Variants in TMEM126A observed in about 807,000 individuals in gnomAD.
TMEM126A encodes the protein transmembrane protein 126A.
In TMEM126A, 10 loss-of-function variants were observed where a neutral mutation model predicts 18.3. The ratio of observed to expected loss-of-function variants is 0.55; its 90% confidence interval spans 0.34 to 0.93. The LOEUF (loss-of-function observed/expected upper bound fraction) is 0.93. Ranked by LOEUF, TMEM126A falls within the 40% of genes least tolerant of loss-of-function variation. The pLI, the probability that TMEM126A is intolerant of heterozygous loss-of-function variation, is 0.02. For synonymous variants in TMEM126A, 68 were observed against 78.1 expected, an observed-to-expected ratio of 0.87 and a Z score of 0.68; for missense variants, 246 against 230.2, an observed-to-expected ratio of 1.07 and a Z score of -0.44.
At position 85,651,588 on chromosome 11, in the gene TMEM126A, C is replaced by G. The variant is rs138757101; in HGVS notation, c.86+1247C>G. ...ATCTTGCTATCTTCAGGAATAGAAA[C>G]TGAACAAATCCCCATCTTGCTGCCA... On this transcript the variant is annotated intron_variant, in intron 2 of 4. Transcript: ENST00000304511. Among the ~76,000 whole-genome samples the G allele has an allele frequency of 5.3e-3, 801 of 152,194 alleles. 4 individuals carry two copies. Among genetic ancestry groups the G allele is most frequent in the Non-Finnish European group, 9.3e-3 (635 of 68,006 alleles).
chr11:85,653,551 G>C lies in TMEM126A; in HGVS notation c.87-512G>C, dbSNP rs1042625389. Among the ~76,000 whole-genome samples, 3 of 152,338 alleles carry C rather than the reference G, an allele frequency of 2.0e-5. No homozygotes were observed. The East Asian group carries it at 5.8e-4, about 29-fold the overall frequency. On this transcript the variant is annotated intron_variant, in intron 2 of 4. Transcript: ENST00000304511. ...CATACATAACCTGGCTTCAAATCCA[G>C]TTCTACCACTACCTGAAAACATCAG...
chr11:85,656,494 T>C lies in TMEM126A; in HGVS notation c.581T>C (p.Ile194Thr). ...ALQLSEPGKE[I>T]H is the part of the protein sequence containing the mutation. ...CAGTTATCTGAACCTGGCAAAGAAA[T>C]TCACTGATTTTAAACAAATATGTAA... Residue 194 changes from isoleucine (I) to threonine (T), a missense_variant, in exon 5 of 5, where the codon ATT (isoleucine) becomes ACT (threonine). Ile to Thr is a moderately conservative substitution (Grantham distance 89). Coordinates refer to ENST00000304511, the MANE Select transcript of TMEM126A (RefSeq NM_032273.4). 6.2e-7 allele frequency: 1 copy of C among 1,611,952 alleles called. No individual in the cohort carries two copies. The highest frequency in any genetic ancestry group is 8.5e-7 in the Non-Finnish European group (1 of 1,178,742).
rs761830936 is a variant in TMEM126A at position 85,655,743 on chromosome 11, A to G, written c.395+35A>G. The G allele has an allele frequency of 6.4e-6, 9 of 1,412,250 alleles. No individual in the cohort carries two copies. In the Admixed American group the frequency reaches 1.2e-4, roughly 18 times the overall value. The allele number at this position is 1,412,250 out of a possible 1,614,324, so 87.5% of individuals were successfully genotyped here. A position where few individuals can be genotyped will look rare whatever the true frequency, so the allele number is the denominator to read the frequency against. ...AAAAAACTTTTTATAATATGTGATT[A>G]CCTATAAAACTCACAACTTAAAGCA... On this transcript the variant is annotated intron_variant, in intron 4 of 4. Transcript: ENST00000304511.
intron 2 of TMEM126A, among the ~76,000 whole-genome samples, chr11:85,653,516 G>C (rs1324598865): frequency 1.3e-5 from 2 of 152,194 alleles, no homozygotes; most frequent in Non-Finnish European, 2.9e-5. Context: ...TAGGACATAA[G>C]TTAAAAGTTC....
rs374398444 is a variant in TMEM126A, at chr11:85,654,126, A to C, written c.150A>C (p.Ala50=). The C allele has an allele frequency of 1.2e-6, 2 of 1,614,168 alleles. No homozygotes were observed. Among genetic ancestry groups the C allele is most frequent in the Non-Finnish European group, 1.7e-6 (2 of 1,180,022 alleles). Residue 50 remains alanine, a synonymous_variant, in exon 3 of 5, where the codon GCA becomes GCC. Transcript: ENST00000304511. The stretch of plus-strand genomic sequence containing the variant: ...ATGCTGCTCTTTGTGGCCTCATAGC[A>C]AACAGTCTTTTTCGACGCATCTTGA... ...GLNAALCGLI[A]NSLFRRILNV... is the part of the protein sequence containing the mutation.
rs75717261 is a variant in TMEM126A at position 85,652,690 on chromosome 11, C to T, written c.87-1373C>T. ...TTTTGACCTTAGCTATGGGAAAAATCTGGTTGGGAGAGAGCAAAGTTTGCT... is the reference window on the plus strand; with the variant it reads ...TTTTGACCTTAGCTATGGGAAAAATTTGGTTGGGAGAGAGCAAAGTTTGCT... On this transcript the variant is annotated intron_variant, in intron 2 of 4. Transcript: ENST00000304511. Among the ~76,000 whole-genome samples the T allele has an allele frequency of 4.2e-3, 644 of 152,134 alleles. 2 individuals are homozygous for T. The highest frequency in any genetic ancestry group is 0.01 in the Middle Eastern group (3 of 292).
At chr11:85,651,940 G>T (rs2082503890) in intron 2 of TMEM126A, among the ~76,000 whole-genome samples, 1 of 152,176 alleles carries the variant, frequency 6.6e-6, no homozygotes, top group African/African-American at 2.4e-5. Context: ...GAGGCGGGCT[G>T]GTCACCTGAG....
Position 85,654,044 on chromosome 11 carries a change from T to G in TMEM126A, c.87-19T>G, listed in dbSNP as rs778679518. On this transcript the variant is annotated intron_variant, in intron 2 of 4. Transcript: ENST00000304511. The stretch of plus-strand genomic sequence containing the variant: ...ACACAATAATGCCAAAGAAAAGTTC[T>G]TTCTTCTCACCCTTTCAGGAATCTA... 9.9e-6 allele frequency: 16 copies of G among 1,614,016 alleles called. No homozygotes were observed. In the East Asian group the frequency reaches 2.7e-4, roughly 27 times the overall value.
intron 1 of TMEM126A, among the ~76,000 whole-genome samples, chr11:85,649,516 A>G (rs2082484261): frequency 1.3e-5 from 2 of 152,254 alleles, no homozygotes; most frequent in African/African-American, 2.4e-5. Context: ...GATCTCAGGT[A>G]TACCTAGAAA....
Position 85,656,431 on chromosome 11 carries a change from T to C in TMEM126A, c.518T>C (p.Leu173Pro), listed in dbSNP as rs1480936342. ...ILLQTMFSAY[L>P]GSEQYKLLIK... is the part of the protein sequence containing the mutation. Reference sequence around the variant, plus strand: ...CTCCAGACTATGTTTTCAGCATACCTTGGGTCTGAACAATATAAACTACTT... The same window carrying C: ...CTCCAGACTATGTTTTCAGCATACCCTGGGTCTGAACAATATAAACTACTT... The change falls in exon 5 of 5, where the codon CTT (leucine) becomes CCT (proline). Residue 173 changes from leucine to proline, a missense_variant. Physicochemically the swap from Leu to Pro is moderately conservative, Grantham distance 98 (BLOSUM62 -3). Coordinates refer to ENST00000304511, the MANE Select transcript of TMEM126A (RefSeq NM_032273.4). 9 of 1,613,382 alleles carry C rather than the reference T, an allele frequency of 5.6e-6. No individual in the cohort carries two copies. Among genetic ancestry groups the C allele is most frequent in the Non-Finnish European group, 7.6e-6 (9 of 1,179,626 alleles).
rs888552081 is a variant in TMEM126A at position 85,654,140 on chromosome 11, G to A, written c.164G>A (p.Arg55Gln). ...GGCCTCATAGCAAACAGTCTTTTTC[G>A]ACGCATCTTGAATGTGACAAAGGCT... ...LCGLIANSLF[R>Q]RILNVTKARI... The change falls in exon 3 of 5, where the codon CGA becomes CAA. Residue 55 changes from arginine (R) to glutamine (Q), a missense_variant. Physicochemically the swap from Arg to Gln is conservative, Grantham distance 43. Coordinates refer to ENST00000304511, the MANE Select transcript of TMEM126A (RefSeq NM_032273.4). 13 of 1,613,984 alleles carry A rather than the reference G, an allele frequency of 8.1e-6. No individual in the cohort carries two copies. Among genetic ancestry groups the A allele is most frequent in the Admixed American group, 3.3e-5 (2 of 60,002 alleles).
rs189238212 is a variant in TMEM126A at position 85,655,334 on chromosome 11, G to A, written c.281-260G>A. On this transcript the variant is annotated intron_variant, in intron 3 of 4. Transcript: ENST00000304511. ...TAAAAAACAAGGCAGAAAGCTAGCA[G>A]TAGCCCAAACCATGAGATTATTATA... 1,401 of 382,666 alleles carry A rather than the reference G, an allele frequency of 3.7e-3. 8 individuals carry two copies. Among genetic ancestry groups the A allele is most frequent in the Non-Finnish European group, 3.2e-3 (661 of 205,478 alleles). The allele number at this position is 382,666 out of a possible 1,614,324, so 23.7% of individuals were successfully genotyped here.
rs960226524 is a variant in TMEM126A, at chr11:85,648,007, T to C, written c.-90T>C. 6.6e-6 allele frequency: 1 copy of C among 152,134 alleles called. No individual in the cohort carries two copies. Among genetic ancestry groups the C allele is most frequent in the Non-Finnish European group, 1.5e-5 (1 of 68,118 alleles). 9.4% of individuals were successfully genotyped at this position (152,134 alleles called of 1,614,324 possible). ...TCAGCCAAAGATGGCTGCGCCCAGGTAATTTGAGCAAAGGCCACAGTGAAC... is the reference window on the plus strand; with the variant it reads ...TCAGCCAAAGATGGCTGCGCCCAGGCAATTTGAGCAAAGGCCACAGTGAAC... On this transcript the variant is annotated 5_prime_UTR_variant, in exon 1 of 5. The change abolishes the stop of an existing upstream ORF in the 5' untranslated region. Transcript: ENST00000304511.
Position 85,654,161 on chromosome 11 carries a change from A to G in TMEM126A, c.185A>G (p.Lys62Arg), listed in dbSNP as rs745535321. ...TTTCGACGCATCTTGAATGTGACAA[A>G]GGCTCGCATAGCTGCTGGCTTACCA... ...SLFRRILNVTKARIAAGLPMA... is the reference protein window; with the variant it reads ...SLFRRILNVTRARIAAGLPMA... Residue 62 changes from lysine (K) to arginine (R), a missense_variant, in exon 3 of 5, where the codon AAG becomes AGG. Transcript: ENST00000304511. The G allele has an allele frequency of 5.0e-6, 8 of 1,614,188 alleles. No individual in the cohort carries two copies. Among genetic ancestry groups the G allele is most frequent in the Non-Finnish European group, 6.8e-6 (8 of 1,180,036 alleles).
intron 3 of TMEM126A, among the ~76,000 whole-genome samples, chr11:85,654,613 G>C (rs900812180): frequency 1.3e-5 from 2 of 151,916 alleles, no homozygotes; most frequent in African/African-American, 4.8e-5. Flanking sequence ...CACCATGCCC[G>C]GCTAATTTTT....
chr11:85,654,191 C>A lies in TMEM126A; in HGVS notation c.215C>A (p.Ala72Glu), dbSNP rs1263806579. ...CGCATAGCTGCTGGCTTACCAATGG[C>A]AGGGATACCTTTTCTTACAACAGAC... ...KARIAAGLPMAGIPFLTTDLT... is the reference protein window; with the variant it reads ...KARIAAGLPMEGIPFLTTDLT... Residue 72 changes from alanine (A) to glutamate (E), a missense_variant, in exon 3 of 5, where the codon GCA (alanine) becomes GAA (glutamate). Transcript: ENST00000304511. 1 of 1,614,070 alleles carries A rather than the reference C, an allele frequency of 6.2e-7. No homozygotes were observed. The highest frequency in any genetic ancestry group is 1.7e-5 in the Admixed American group (1 of 60,004).
rs530611235 is a variant in TMEM126A at position 85,654,867 on chromosome 11, T to C, written c.280+611T>C. Reference sequence around the variant, plus strand: ...TATATATATGGAAATATTATATATATACAAATGTATATAAATAATATGTTG... The same window carrying C: ...TATATATATGGAAATATTATATATACACAAATGTATATAAATAATATGTTG... On this transcript the variant is annotated intron_variant, in intron 3 of 4. Coordinates refer to ENST00000304511, the MANE Select transcript of TMEM126A (RefSeq NM_032273.4). 6.7e-5 allele frequency among the ~76,000 whole-genome samples: 10 copies of C among 150,360 alleles called. No homozygotes were observed. In the South Asian group the frequency reaches 1.7e-3, roughly 25 times the overall value.
Position 85,648,698 on chromosome 11 carries a change from C to T in TMEM126A, c.-8+609C>T, listed in dbSNP as rs12275318. Among the ~76,000 whole-genome samples, 464 of 152,220 alleles carry T rather than the reference C, an allele frequency of 3.0e-3. 3 individuals carry two copies. Among genetic ancestry groups the T allele is most frequent in the African/African-American group, 0.011 (447 of 41,516 alleles). ...TCTTATCATCTTATCGTAGCCAAGG[C>T]CCTCAAAAATTTGACTACCAGAAAC... On this transcript the variant is annotated intron_variant, in intron 1 of 4. Coordinates refer to ENST00000304511, the MANE Select transcript of TMEM126A (RefSeq NM_032273.4).
intron 4 of TMEM126A, 43 bp from the exon 5 acceptor site, chr11:85,656,266 G>A (rs2153313931): frequency 6.4e-7 from 1 of 1,567,744 alleles, no homozygotes; most frequent in Non-Finnish European, 8.7e-7. Context: ...GCCATTTGAT[G>A]CAACAATCTT....
Sources: gnomAD v4.1 joint callset for allele counts (sites outside exome capture counted in the v4.1 genomes callset) on GRCh38, gnomAD v4.1.1 for gene constraint, MANE v1.5 for transcripts, NCBI Gene and HGNC (gene_info 2026-07-23, HGNC 2026-07-21) for gene names.